ANK3: variants seen among roughly 807,000 people sequenced by gnomAD.
ANK3 encodes the protein ankyrin-3.
ANK3 carries 57 observed loss-of-function variants against 370.9 expected under a neutral mutation model. That is an observed-to-expected ratio of 0.15 (90% CI 0.12 to 0.19). The LOEUF (loss-of-function observed/expected upper bound fraction) is 0.19, where lower values mean the gene tolerates loss of function less well. Ranked by LOEUF, ANK3 falls within the 10% of genes least tolerant of loss-of-function variation. The pLI, the probability that ANK3 is intolerant of heterozygous loss-of-function variation, is 1.00. For missense variants in ANK3, 4,439 were observed against 5,302.1 expected, an observed-to-expected ratio of 0.84 and a Z score of 5.06; for synonymous variants, 1,929 against 1,946.3, an observed-to-expected ratio of 0.99 and a Z score of 0.23.
At chr10:60,542,966 T>C (rs2076883399) in intron 2 of ANK3, among the ~76,000 whole-genome samples, 1 of 151,998 alleles carries the variant, frequency 6.6e-6, no homozygotes, top group African/African-American at 2.4e-5. Flanking sequence ...TAGTATGGTT[T>C]TGTAGCTGTC....
At chr10:60,633,069 T>G (rs1025509324) in intron 1 of ANK3, among the ~76,000 whole-genome samples, 9 of 152,188 alleles carry the variant, frequency 5.9e-5, no homozygotes, top group Non-Finnish European at 1.0e-4. Flanking sequence ...TTTGATAAAT[T>G]CAAATAAAAG....
chr10:60,102,425 T>G (rs1201911582), intron 28 of ANK3, among the ~76,000 whole-genome samples: 2 of 152,122 alleles, frequency 1.3e-5, no homozygotes, highest in Admixed American at 1.3e-4. Flanking sequence ...GCATCCTCAC[T>G]TTACACATTT....
intron 42 of ANK3, among the ~76,000 whole-genome samples, chr10:60,052,785 G>A (rs2078329438): frequency 6.6e-6 from 1 of 151,852 alleles, no homozygotes; most frequent in Non-Finnish European, 1.5e-5. Context: ...AATAGTCCCA[G>A]AGACAGAATT....
At chr10:60,607,363 T>A (rs781512896) in intron 2 of ANK3, among the ~76,000 whole-genome samples, 13 of 152,146 alleles carry the variant, frequency 8.5e-5, no homozygotes, top group Non-Finnish European at 1.5e-4. Flanking sequence ...TCAGTCTGAC[T>A]TTCAGGCTCA....
At chr10:60,261,015 C>A (rs1185149133) in intron 7 of ANK3, among the ~76,000 whole-genome samples, 2 of 152,188 alleles carry the variant, frequency 1.3e-5, no homozygotes, top group East Asian at 3.9e-4. Flanking sequence ...CATATGCTAT[C>A]TCTTTTAATT....
intron 1 of ANK3, among the ~76,000 whole-genome samples, chr10:60,362,689 T>C (rs1566847996): frequency 1.3e-5 from 2 of 152,164 alleles, no homozygotes; most frequent in Non-Finnish European, 2.9e-5. Flanking sequence ...GCACTCTGCA[T>C]ACCTCCAGCA....
chr10:60,213,770 T>C (rs1391384468), intron 8 of ANK3, among the ~76,000 whole-genome samples: 1 of 152,202 alleles, frequency 6.6e-6, no homozygotes, highest in African/African-American at 2.4e-5. Context: ...ACTAGTCTTT[T>C]GAATAGCCAA....
chr10:60,662,262 C>T (rs750155905), intron 1 of ANK3, among the ~76,000 whole-genome samples: 8 of 152,100 alleles, frequency 5.3e-5, no homozygotes, highest in Non-Finnish European at 7.4e-5. Flanking sequence ...TTTCAACTGG[C>T]ACACTGATAT....
chr10:60,293,545 TAGAG>T (rs1228313789), intron 1 of ANK3, among the ~76,000 whole-genome samples: 1 of 152,028 alleles, frequency 6.6e-6, no homozygotes, highest in African/African-American at 2.4e-5. Flanking sequence ...CTTAACTAGC[TAGAG>T]AAAGTGCTGA....
At chr10:60,627,427 A>G (rs898187818) in intron 1 of ANK3, among the ~76,000 whole-genome samples, 1 of 151,998 alleles carries the variant, frequency 6.6e-6, no homozygotes, top group Non-Finnish European at 1.5e-5. Context: ...TAAAAATAAA[A>G]AAAAGGCATC....
chr10:60,293,360 C>T (rs934126259), intron 1 of ANK3, among the ~76,000 whole-genome samples: 52 of 152,210 alleles, frequency 3.4e-4, no homozygotes, highest in African/African-American at 1.3e-3. Flanking sequence ...AACTGGTAAG[C>T]AAAGATAGAG....
chr10:60,572,763 C>A (rs1427140007), intron 2 of ANK3: 1 of 1,274,276 alleles, frequency 7.8e-7, no homozygotes, highest in Non-Finnish European at 9.9e-7. Context: ...ATCAAACAGT[C>A]AATTATTCTT....
chr10:60,235,590 A>G (rs1010961915), intron 7 of ANK3, among the ~76,000 whole-genome samples: 3 of 132,364 alleles, frequency 2.3e-5, no homozygotes, highest in Non-Finnish European at 3.1e-5. Flanking sequence ...TTTAAGTGAC[A>G]GAGTCTCGTT....
At chr10:60,548,099 A>G (rs2077009021) in intron 2 of ANK3, among the ~76,000 whole-genome samples, 2 of 152,314 alleles carry the variant, frequency 1.3e-5, no homozygotes, top group Admixed American at 1.3e-4. Flanking sequence ...AAACGTTCAC[A>G]GAGAACTTTC....
intron 1 of ANK3, among the ~76,000 whole-genome samples, chr10:60,636,951 G>T (rs186759738): frequency 6.6e-5 from 10 of 152,272 alleles, no homozygotes; most frequent in African/African-American, 2.4e-4. Context: ...GATTTCACTT[G>T]CTCAAGACCA....
At chr10:60,546,321 C>T (rs905187746) in intron 2 of ANK3, among the ~76,000 whole-genome samples, 1 of 152,216 alleles carries the variant, frequency 6.6e-6, no homozygotes, top group African/African-American at 2.4e-5. Context: ...TAGGCGTGAG[C>T]CATGGTGCCA....
At chr10:60,645,937 T>C (rs1272867780) in intron 1 of ANK3, among the ~76,000 whole-genome samples, 1 of 152,116 alleles carries the variant, frequency 6.6e-6, no homozygotes, top group Non-Finnish European at 1.5e-5. Flanking sequence ...CAAAATTGTA[T>C]TTAATTAGAG....
chr10:60,051,724 T>TA (rs1163117027), intron 42 of ANK3: 5 of 222,430 alleles, frequency 2.2e-5, no homozygotes, highest in Non-Finnish European at 2.3e-5. Context: ...GTGAGAGTCT[T>TA]AAAAAAAATT....
At chr10:60,226,363 A>G (rs1222159011) in intron 8 of ANK3, among the ~76,000 whole-genome samples, 1 of 104,490 alleles carries the variant, frequency 9.6e-6, no homozygotes, top group African/African-American at 4.1e-5. Context: ...ATACTATATA[A>G]TATAGTAAAT....
Sources: gnomAD v4.1 joint callset for allele counts (sites outside exome capture counted in the v4.1 genomes callset) on GRCh38, gnomAD v4.1.1 for gene constraint, MANE v1.5 for transcripts, NCBI Gene and HGNC (gene_info 2026-07-23, HGNC 2026-07-21) for gene names.